The following EPHA7 variants were observed in gnomAD, a reference collection of about 807,000 sequenced individuals.
The protein encoded by EPHA7 is ephrin type-A receptor 7.
EPHA7 carries 25 observed loss-of-function variants against 112.6 expected under a neutral mutation model. The ratio of observed to expected loss-of-function variants is 0.22; its 90% CI spans 0.16 to 0.31. EPHA7 has a LOEUF of 0.31. EPHA7 is among the 10% of genes least tolerant of loss of function. The pLI is 1.00. For missense variants in EPHA7, 962 were observed against 1,212.6 expected (o/e 0.79, Z 3.07); for synonymous variants, 437 against 406.5 (o/e 1.07, Z -0.90).
At chr6:93,339,199 T>C (rs1240324611) in intron 5 of EPHA7, among the ~76,000 whole-genome samples, 1 of 151,610 alleles carries the variant, frequency 6.6e-6, no homozygotes, top group African/African-American at 2.4e-5. Flanking sequence ...ACTGATTATA[T>C]CTAATACAAC....
intron 3 of EPHA7, among the ~76,000 whole-genome samples, chr6:93,379,348 T>G: frequency 6.6e-6 from 1 of 152,090 alleles, no homozygotes; most frequent in East Asian, 1.9e-4. Context: ...TTTTCAGCTC[T>G]AGATTTGGCT....
intron 3 of EPHA7, among the ~76,000 whole-genome samples, chr6:93,404,380 A>C (rs1395944090): frequency 1.3e-5 from 2 of 151,962 alleles, no homozygotes; most frequent in Non-Finnish European, 2.9e-5. Flanking sequence ...TTCATAAAAG[A>C]CTTTGCAATA....
At chr6:93,286,043 G>A (rs979959144) in intron 5 of EPHA7, among the ~76,000 whole-genome samples, 4 of 151,984 alleles carry the variant, frequency 2.6e-5, no homozygotes, top group Non-Finnish European at 4.4e-5. Flanking sequence ...TTTATTACCT[G>A]GCCCTTTTCA....
Position 93,358,278 on chromosome 6 carries a change from G to C in EPHA7, c.966C>G (p.Asp322Glu), listed in dbSNP as rs1171397060. The change falls in exon 4 of 17, where the codon GAC becomes GAG. Residue 322 changes from aspartate (D) to glutamate (E), a missense_variant. Asp to Glu is a conservative substitution (Grantham distance 45). Transcript: ENST00000369303. ...CEDGYYRAPSDPPYVACTRPP... is the reference protein window; with the variant it reads ...CEDGYYRAPSEPPYVACTRPP... Reference sequence around the variant, plus strand: ...CACTTGTGCACGCAACGTATGGTGGGTCAGATGGAGCCCTGTAATACCCAT... The same window carrying C: ...CACTTGTGCACGCAACGTATGGTGGCTCAGATGGAGCCCTGTAATACCCAT... 13 of 1,611,590 alleles carry C rather than the reference G, an allele frequency of 8.1e-6. No homozygotes were observed. The highest frequency in any genetic ancestry group is 1.0e-5 in the Non-Finnish European group (12 of 1,178,748).
chr6:93,416,616 G>A (rs948763792), intron 1 of EPHA7, among the ~76,000 whole-genome samples: 1 of 152,144 alleles, frequency 6.6e-6, no homozygotes, highest in South Asian at 2.1e-4. Context: ...TCTTCTGCTC[G>A]GTCCGCTCTC....
intron 3 of EPHA7, among the ~76,000 whole-genome samples, chr6:93,402,284 T>G (rs1778472215): frequency 6.6e-6 from 1 of 152,104 alleles, no homozygotes; most frequent in South Asian, 2.1e-4. Context: ...TAAATATGGG[T>G]AAAAAGAAGT....
chr6:93,329,461 G>C (rs186158051), intron 5 of EPHA7, among the ~76,000 whole-genome samples: 1 of 151,170 alleles, frequency 6.6e-6, no homozygotes, highest in African/African-American at 2.4e-5. Context: ...ACAGCATATG[G>C]GCCAAGAACT....
chr6:93,298,313 A>G (rs1224657453), intron 5 of EPHA7, among the ~76,000 whole-genome samples: 2 of 152,150 alleles, frequency 1.3e-5, no homozygotes, highest in African/African-American at 4.8e-5. Flanking sequence ...TTTTAACATA[A>G]AATTTAAGCC....
At chr6:93,371,285 A>G (rs1481884319) in intron 3 of EPHA7, among the ~76,000 whole-genome samples, 2 of 152,196 alleles carry the variant, frequency 1.3e-5, no homozygotes, top group Non-Finnish European at 2.9e-5. Flanking sequence ...AAATAATGCA[A>G]CAATACAAAA....
intron 3 of EPHA7, among the ~76,000 whole-genome samples, chr6:93,385,646 T>A (rs1396946553): frequency 1.3e-5 from 2 of 152,030 alleles, no homozygotes; most frequent in Non-Finnish European, 2.9e-5. Context: ...TCTACTCCCA[T>A]GAGGCTTTTT....
intron 3 of EPHA7, among the ~76,000 whole-genome samples, chr6:93,407,631 T>C (rs1157817107): frequency 6.6e-6 from 1 of 152,078 alleles, no homozygotes; most frequent in African/African-American, 2.4e-5. Flanking sequence ...TTGCCTCCTT[T>C]AACCGTGTAT....
At chr6:93,368,948 G>A (rs1225977763) in intron 3 of EPHA7, among the ~76,000 whole-genome samples, 4 of 152,004 alleles carry the variant, frequency 2.6e-5, no homozygotes, top group Non-Finnish European at 1.5e-5. Flanking sequence ...TTTCTGTTAT[G>A]TCAGTGGAAA....
chr6:93,277,473 C>A (rs1008238724), intron 5 of EPHA7, among the ~76,000 whole-genome samples: 1 of 151,950 alleles, frequency 6.6e-6, no homozygotes, highest in South Asian at 2.1e-4. Flanking sequence ...AAGAATGATA[C>A]ATATGCAATT....
intron 15 of EPHA7, 24 bp downstream of exon 15, chr6:93,246,768 T>G (rs1425418837): frequency 6.4e-7 from 1 of 1,567,090 alleles, no homozygotes; most frequent in Non-Finnish European, 8.7e-7. Context: ...TCTCCCAGAT[T>G]CCATTCCCTT....
At position 93,248,672 on chromosome 6, in the gene EPHA7, A is replaced by AAAACAAACAAAC. The variant is rs67661858; in HGVS notation, c.2533-1699_2533-1688dup. ...TTCATTCTCCCTCTCTCTCTTTTTA[A>AAAACAAACAAAC]AAACAAACAAACAAACAAACAAACA... On this transcript the variant is annotated intron_variant, in intron 14 of 16. Coordinates refer to ENST00000369303, the MANE Select transcript of EPHA7 (RefSeq NM_004440.4). 3.8e-3 allele frequency among the ~76,000 whole-genome samples: 569 copies of AAAACAAACAAAC among 150,374 alleles called. 4 individuals are homozygous for AAAACAAACAAAC. Among genetic ancestry groups the AAAACAAACAAAC allele is most frequent in the Non-Finnish European group, 5.1e-3 (344 of 67,656 alleles).
chr6:93,291,740 C>G (rs1222132414), intron 5 of EPHA7, among the ~76,000 whole-genome samples: 1 of 120,800 alleles, frequency 8.3e-6, no homozygotes, highest in Non-Finnish European at 1.6e-5. Flanking sequence ...TGCACTCCAG[C>G]CTGGGCGACA....
chr6:93,268,429 C>G (rs1001462879), intron 7 of EPHA7, among the ~76,000 whole-genome samples: 3 of 151,646 alleles, frequency 2.0e-5, no homozygotes, highest in African/African-American at 7.3e-5. Context: ...TCCTTTAAAG[C>G]CAAAATAATT....
intron 5 of EPHA7, among the ~76,000 whole-genome samples, chr6:93,295,545 G>T (rs1459542069): frequency 1.3e-5 from 2 of 151,244 alleles, no homozygotes; most frequent in Non-Finnish European, 3.0e-5. Flanking sequence ...TATATATGAC[G>T]TTTTCTTCCA....
chr6:93,362,581 T>A (rs1449310506), intron 3 of EPHA7, among the ~76,000 whole-genome samples: 3 of 152,102 alleles, frequency 2.0e-5, no homozygotes, highest in Non-Finnish European at 4.4e-5. Flanking sequence ...TCCATTAAAT[T>A]CTCCTAACAA....
Sources: gnomAD v4.1 joint callset for allele counts (sites outside exome capture counted in the v4.1 genomes callset) on GRCh38, gnomAD v4.1.1 for gene constraint, MANE v1.5 for transcripts, NCBI Gene and HGNC (gene_info 2026-07-23, HGNC 2026-07-21) for gene names.